TMEM135: variants seen among roughly 807,000 people sequenced by gnomAD.
TMEM135 encodes the protein peroxisomal membrane protein 52.
In TMEM135, 30 loss-of-function variants were observed where a neutral mutation model predicts 60.3. The ratio of observed to expected loss-of-function variants is 0.50; its 90% CI spans 0.37 to 0.68. TMEM135 has a LOEUF of 0.68. Ranked by LOEUF, TMEM135 falls within the 30% of genes least tolerant of loss-of-function variation. TMEM135 has a pLI of 0.00. For missense variants in TMEM135, 468 were observed against 548.8 expected (o/e 0.85, Z 1.47); for synonymous variants, 190 against 186.7 (o/e 1.02, Z -0.14).
At chr11:87,105,426 A>C (rs963081205) in intron 4 of TMEM135, among the ~76,000 whole-genome samples, 2 of 152,118 alleles carry the variant, frequency 1.3e-5, no homozygotes, top group African/African-American at 4.8e-5. Flanking sequence ...TTTCATCCTG[A>C]AACCAACTCC....
At chr11:87,066,703 A>G (rs1188761017) in intron 1 of TMEM135, among the ~76,000 whole-genome samples, 3 of 151,316 alleles carry the variant, frequency 2.0e-5, no homozygotes, top group African/African-American at 7.3e-5. Flanking sequence ...AAACTTCTGC[A>G]GTCTTTTGTA....
At chr11:87,114,559 G>C (rs888033631) in intron 4 of TMEM135, among the ~76,000 whole-genome samples, 1 of 152,166 alleles carries the variant, frequency 6.6e-6, no homozygotes, top group Non-Finnish European at 1.5e-5. Flanking sequence ...TTGTAGAGCA[G>C]TACAGTTTTA....
intron 7 of TMEM135, among the ~76,000 whole-genome samples, chr11:87,301,850 G>A (rs1243719814): frequency 6.6e-6 from 1 of 152,158 alleles, no homozygotes; most frequent in African/African-American, 2.4e-5. Context: ...AGAAAAATAA[G>A]TAGATTAGAA....
At chr11:87,040,992 T>C (rs1949745825) in intron 1 of TMEM135, among the ~76,000 whole-genome samples, 1 of 152,124 alleles carries the variant, frequency 6.6e-6, no homozygotes, top group South Asian at 2.1e-4. Context: ...AGCATACCTA[T>C]TCTTAATGGA....
intron 4 of TMEM135, among the ~76,000 whole-genome samples, chr11:87,152,659 C>A (rs560624): frequency 0.43 from 65,095 of 151,786 alleles, 14,799 homozygotes; most frequent in East Asian, 0.65. Context: ...GGCTGGTCTC[C>A]AACTCCTGAC....
At chr11:87,110,219 TATAG>T (rs1420234083) in intron 4 of TMEM135, among the ~76,000 whole-genome samples, 3 of 152,162 alleles carry the variant, frequency 2.0e-5, no homozygotes. Flanking sequence ...TGCAAAAGGA[TATAG>T]ATAGTTTTCC....
At chr11:87,072,541 C>T (rs910077056) in intron 3 of TMEM135, among the ~76,000 whole-genome samples, 5 of 151,930 alleles carry the variant, frequency 3.3e-5, no homozygotes, top group Non-Finnish European at 7.4e-5. Context: ...CCACCATGCC[C>T]GGCTAGTTTT....
Position 87,121,677 on chromosome 11 carries a change from A to G in TMEM135, c.396+30282A>G, listed in dbSNP as rs913254370. On this transcript the variant is annotated intron_variant, in intron 4 of 14. Coordinates refer to ENST00000305494, the MANE Select transcript of TMEM135 (RefSeq NM_022918.4). ...TTTTTTTGAGATGGAGTCTTACCCT[A>G]TTGCCAAGGCTGGAGTGCAGTGATG... 4 of 118,484 alleles carry G rather than the reference A, an allele frequency of 3.4e-5. No homozygotes were observed. In the South Asian group the frequency reaches 7.7e-4, roughly 23 times the overall value. 7.3% of individuals were successfully genotyped at this position (118,484 alleles called of 1,614,324 possible). A position where few individuals can be genotyped will look rare whatever the true frequency, so the allele number is the denominator to read the frequency against.
At chr11:87,104,283 G>T (rs961951917) in intron 4 of TMEM135, among the ~76,000 whole-genome samples, 4 of 151,972 alleles carry the variant, frequency 2.6e-5, no homozygotes, top group Non-Finnish European at 4.4e-5. Flanking sequence ...ATTCTGTTCC[G>T]TTGGTCTGTC....
At chr11:87,133,695 C>T (rs942499493) in intron 4 of TMEM135, among the ~76,000 whole-genome samples, 1 of 152,200 alleles carries the variant, frequency 6.6e-6, no homozygotes, top group South Asian at 2.1e-4. Flanking sequence ...CTCCTTTCAG[C>T]TTCTCCCTCC....
At chr11:87,201,023 A>G (rs926313385) in intron 5 of TMEM135, among the ~76,000 whole-genome samples, 1 of 152,176 alleles carries the variant, frequency 6.6e-6, no homozygotes, top group Non-Finnish European at 1.5e-5. Context: ...TTTAACTTTT[A>G]GGAAGTGAAG....
chr11:87,176,213 T>G (rs1211376014), intron 5 of TMEM135, among the ~76,000 whole-genome samples: 1 of 152,058 alleles, frequency 6.6e-6, no homozygotes, highest in Non-Finnish European at 1.5e-5. Flanking sequence ...ATGAGTGAGT[T>G]TCTATTCTGT....
intron 5 of TMEM135, among the ~76,000 whole-genome samples, chr11:87,222,541 C>A (rs1401821017): frequency 6.6e-6 from 1 of 151,618 alleles, no homozygotes; most frequent in Non-Finnish European, 1.5e-5. Context: ...TGGTGGCCCA[C>A]GCCTCTTATC....
chr11:87,057,322 G>T (rs1949903078), intron 1 of TMEM135, among the ~76,000 whole-genome samples: 1 of 152,130 alleles, frequency 6.6e-6, no homozygotes, highest in Non-Finnish European at 1.5e-5. Flanking sequence ...TTTCATTACA[G>T]GGAGGCTTTA....
intron 3 of TMEM135, among the ~76,000 whole-genome samples, chr11:87,086,077 A>C (rs568480483): frequency 7.2e-5 from 11 of 152,286 alleles, no homozygotes; most frequent in African/African-American, 2.6e-4. Context: ...CTTTGCTAAT[A>C]AATTGGTATC....
intron 4 of TMEM135, among the ~76,000 whole-genome samples, chr11:87,154,159 A>G (rs1346264386): frequency 2.0e-5 from 3 of 152,152 alleles, no homozygotes; most frequent in Non-Finnish European, 4.4e-5. Flanking sequence ...AGCCTCTAGT[A>G]ACCACTGTTC....
chr11:87,298,733 G>A (rs1282571907), intron 7 of TMEM135, among the ~76,000 whole-genome samples: 2 of 135,818 alleles, frequency 1.5e-5, no homozygotes, highest in Non-Finnish European at 3.1e-5. Flanking sequence ...GTTGCAATGA[G>A]CTTTGATCAT....
At chr11:87,174,755 C>A (rs1297634450) in intron 5 of TMEM135, among the ~76,000 whole-genome samples, 1 of 152,094 alleles carries the variant, frequency 6.6e-6, no homozygotes, top group African/African-American at 2.4e-5. Flanking sequence ...CCAATCATAT[C>A]CCTTTGTTCA....
At chr11:87,307,004 C>T (rs558826784) in intron 9 of TMEM135, among the ~76,000 whole-genome samples, 1 of 152,218 alleles carries the variant, frequency 6.6e-6, no homozygotes, top group East Asian at 1.9e-4. Flanking sequence ...CAGGTGTGAA[C>T]CACCGCGCCC....
Sources: allele counts gnomAD v4.1 joint callset (sites outside exome capture counted in the v4.1 genomes callset), GRCh38; gene constraint gnomAD v4.1.1; transcripts MANE v1.5; gene names NCBI Gene and HGNC (gene_info 2026-07-23, HGNC 2026-07-21).